Variants in ANKRD31 observed in about 807,000 individuals in gnomAD.
ANKRD31 encodes ankyrin repeat domain 31.
ANKRD31 carries 147 observed loss-of-function variants against 186.0 expected under a neutral mutation model. The observed-to-expected ratio is 0.79, with a 90% confidence interval of 0.69 to 0.91. The LOEUF is 0.91. ANKRD31 is among the 40% of genes least tolerant of loss of function. The probability of loss-of-function intolerance (pLI) is 0.00; values close to 1 mark genes in which losing one functional copy is unlikely to be tolerated. For missense variants in ANKRD31, 1,986 were observed against 2,148.8 expected (o/e 0.92, Z 1.50); for synonymous variants, 673 against 736.4 (o/e 0.91, Z 1.39).
In ANKRD31 at chr5:75,105,191, T is replaced by C; in HGVS notation, c.4368A>G (p.Gly1456=). 6.5e-7 allele frequency: 1 copy of C among 1,530,208 alleles called. No homozygotes were observed. Among genetic ancestry groups the C allele is most frequent in the Non-Finnish European group, 8.7e-7 (1 of 1,144,652 alleles). The allele number at this position is 1,530,208 out of a possible 1,614,324, so 94.8% of individuals were successfully genotyped here. Residue 1456 remains glycine, a synonymous_variant, in exon 22 of 26, where the codon GGA becomes GGG. Transcript: ENST00000506364. ...AGTTGGCCAATTGTTCTCTCAGGGCTCCATGCTTAAATGACTCTATGGATA... is the reference window on the plus strand; with the variant it reads ...AGTTGGCCAATTGTTCTCTCAGGGCCCCATGCTTAAATGACTCTATGGATA... ...YRVSIESFKH[G]ALREQLANLA...
chr5:75,195,297 C>T (rs1458134056), intron 7 of ANKRD31, among the ~76,000 whole-genome samples: 1 of 152,098 alleles, frequency 6.6e-6, no homozygotes, highest in African/African-American at 2.4e-5. Context: ...GTAAAGAATT[C>T]TTTCCTTCCT....
At chr5:75,070,260 T>A (rs903973074) in intron 25 of ANKRD31, among the ~76,000 whole-genome samples, 3 of 152,168 alleles carry the variant, frequency 2.0e-5, no homozygotes, top group African/African-American at 7.2e-5. Context: ...TAGAAATAAA[T>A]CTTTACATAT....
chr5:75,235,760 A>G (rs1052493881), intron 1 of ANKRD31, among the ~76,000 whole-genome samples: 2 of 152,192 alleles, frequency 1.3e-5, no homozygotes, highest in African/African-American at 4.8e-5. Flanking sequence ...TATTGCCTGA[A>G]AAGTGTGGAC....
In ANKRD31 at chr5:75,098,322, T is replaced by G. The variant is rs555278950; in HGVS notation, c.5331+5906A>C. Among the ~76,000 whole-genome samples the G allele has an allele frequency of 1.8e-3, 275 of 152,302 alleles. 3 individuals are homozygous for G. In the South Asian group the frequency reaches 0.024, roughly 14 times the overall value. Reference sequence around the variant, plus strand: ...TTTTGGTACCAGTACCATGCTGTTTTGGTTACTGTAGCCTTGTAGTATACT... The same window carrying G: ...TTTTGGTACCAGTACCATGCTGTTTGGGTTACTGTAGCCTTGTAGTATACT... On this transcript the variant is annotated intron_variant, in intron 22 of 25. Coordinates refer to ENST00000506364, the MANE Select transcript of ANKRD31 (RefSeq NM_001372053.1).
At position 75,230,629 on chromosome 5, in the gene ANKRD31, C is replaced by G. The variant is rs751779766; in HGVS notation, c.111G>C (p.Leu37=). ...ATTTAAGAGATGCGTCTTGATCAAA[C>G]AGCAACCTTTCAAATACCAAAAGGG... ...EEKELPWRRL[L]FDQDASLKSE... Residue 37 remains leucine, a synonymous_variant, in exon 2 of 26, where the codon CTG becomes CTC. Transcript: ENST00000506364. 8 of 1,533,048 alleles carry G rather than the reference C, an allele frequency of 5.2e-6. No individual in the cohort carries two copies. Among genetic ancestry groups the G allele is most frequent in the Middle Eastern group, 3.3e-4 (2 of 6,006 alleles). 95.0% of individuals were successfully genotyped at this position (1,533,048 alleles called of 1,614,324 possible). A position where few individuals can be genotyped will look rare whatever the true frequency, so the allele number is the denominator to read the frequency against.
chr5:75,102,342 A>T (rs1282730169), intron 22 of ANKRD31, among the ~76,000 whole-genome samples: 2 of 152,168 alleles, frequency 1.3e-5, no homozygotes, highest in African/African-American at 4.8e-5. Flanking sequence ...AGTTGGCCCT[A>T]ATGGGAGATG....
intron 22 of ANKRD31, among the ~76,000 whole-genome samples, chr5:75,102,371 C>T (rs1004468893): frequency 6.6e-6 from 1 of 152,230 alleles, no homozygotes; most frequent in African/African-American, 2.4e-5. Context: ...TTAGGCTACT[C>T]AGGGGTCAGG....
In ANKRD31 at chr5:75,213,643, C is replaced by G. The variant is rs183278728; in HGVS notation, c.289-2778G>C. Among the ~76,000 whole-genome samples, 17 of 152,290 alleles carry G rather than the reference C, an allele frequency of 1.1e-4. No individual in the cohort carries two copies. In the East Asian group the frequency reaches 3.3e-3, roughly 29 times the overall value. On this transcript the variant is annotated intron_variant, in intron 3 of 25. Transcript: ENST00000506364. Reference sequence around the variant, plus strand: ...TTTTTAATACATGTGACTGAACCTTCCCCTGTCTTTACCCCACTGCATTTT... The same window carrying G: ...TTTTTAATACATGTGACTGAACCTTGCCCTGTCTTTACCCCACTGCATTTT...
chr5:75,092,739 A>G (rs1746019899), intron 22 of ANKRD31, among the ~76,000 whole-genome samples: 1 of 152,220 alleles, frequency 6.6e-6, no homozygotes, highest in Non-Finnish European at 1.5e-5. Context: ...ACTGGGAAAA[A>G]AAACAGACAA....
chr5:75,181,357 C>T (rs1754277719), intron 10 of ANKRD31, among the ~76,000 whole-genome samples: 1 of 152,064 alleles, frequency 6.6e-6, no homozygotes, highest in Non-Finnish European at 1.5e-5. Flanking sequence ...ACTAGAAATA[C>T]CATTTGACCC....
chr5:75,163,578 T>C (rs889228454), intron 11 of ANKRD31, among the ~76,000 whole-genome samples: 3 of 152,186 alleles, frequency 2.0e-5, no homozygotes, highest in Non-Finnish European at 4.4e-5. Context: ...AAATCAGGTG[T>C]GAAATTTTTC....
chr5:75,146,296 G>T lies in ANKRD31; in HGVS notation c.3115C>A (p.Pro1039Thr), dbSNP rs1248458676. The T allele has an allele frequency of 1.3e-6, 2 of 1,536,422 alleles. No individual in the cohort carries two copies. The highest frequency in any genetic ancestry group is 2.7e-5 in the African/African-American group (2 of 72,942). The change falls in exon 14 of 26, where the codon CCC becomes ACC. Residue 1039 changes from proline to threonine, a missense_variant. By Grantham distance (38) the Pro-to-Thr change is conservative (BLOSUM62 -1). Coordinates refer to ENST00000506364, the MANE Select transcript of ANKRD31 (RefSeq NM_001372053.1). ...TTCATTAAAAAAGTTGGTGCTCTGG[G>T]AATATAATCCTGTGGCTTTTTGAAT... ...ELFKKPQDYIPRAPTFLMNQT... is the reference protein window; with the variant it reads ...ELFKKPQDYITRAPTFLMNQT...
intron 22 of ANKRD31, among the ~76,000 whole-genome samples, chr5:75,095,676 G>A (rs891768032): frequency 2.6e-5 from 4 of 152,142 alleles, no homozygotes; most frequent in African/African-American, 9.7e-5. Context: ...CAAGGCTTGG[G>A]TTTGAGTAAT....
intron 10 of ANKRD31, among the ~76,000 whole-genome samples, chr5:75,175,945 C>A (rs993613660): frequency 6.6e-6 from 1 of 152,046 alleles, no homozygotes; most frequent in African/African-American, 2.4e-5. Flanking sequence ...CATCGCCACA[C>A]CCGGGAAGCG....
intron 25 of ANKRD31, among the ~76,000 whole-genome samples, chr5:75,069,978 G>C (rs929884715): frequency 1.1e-4 from 16 of 152,134 alleles, no homozygotes; most frequent in Non-Finnish European, 1.8e-4. Context: ...AGAAACTGGT[G>C]CTCTGTCATG....
At chr5:75,137,755 G>T in intron 17 of ANKRD31, 101 bp downstream of exon 17, 1 of 1,134,668 alleles carries the variant, frequency 8.8e-7, no homozygotes, top group Non-Finnish European at 1.1e-6. Context: ...AAAATCACTT[G>T]TTTTACTGAA....
At chr5:75,221,223 G>T (rs1167804772) in intron 3 of ANKRD31, among the ~76,000 whole-genome samples, 1 of 152,008 alleles carries the variant, frequency 6.6e-6, no homozygotes, top group Non-Finnish European at 1.5e-5. Context: ...AACCTGTGGG[G>T]TACTATGCTT....
intron 20 of ANKRD31, 135 bp downstream of exon 20, chr5:75,112,377 TA>T (rs1476252281): frequency 1.9e-6 from 1 of 538,856 alleles, no homozygotes; most frequent in African/African-American, 2.0e-5. Flanking sequence ...TAATAATTCC[TA>T]GCACTTTAAA....
At chr5:75,174,706 G>A (rs1007236684) in intron 10 of ANKRD31, among the ~76,000 whole-genome samples, 46 of 152,122 alleles carry the variant, frequency 3.0e-4, no homozygotes, top group African/African-American at 8.9e-4. Context: ...GTTAGAATGC[G>A]ATCATTAAAA....
Sources: gnomAD v4.1 joint callset for allele counts (sites outside exome capture counted in the v4.1 genomes callset) on GRCh38, gnomAD v4.1.1 for gene constraint, MANE v1.5 for transcripts, NCBI Gene and HGNC (gene_info 2026-07-23, HGNC 2026-07-21) for gene names.